AHCYL2: variants seen among roughly 807,000 people sequenced by gnomAD.
The protein encoded by AHCYL2 is S-adenosylhomocysteine hydrolase-like protein 2.
A neutral mutation model predicts 81.4 loss-of-function variants in AHCYL2; 28 were observed. The ratio of observed to expected loss-of-function variants is 0.34; its 90% CI spans 0.25 to 0.47. AHCYL2 has a LOEUF of 0.47. Ranked by LOEUF, AHCYL2 falls within the 20% of genes least tolerant of loss-of-function variation. The pLI, the probability that AHCYL2 is intolerant of heterozygous loss-of-function variation, is 1.00. For synonymous variants in AHCYL2, 272 were observed against 290.2 expected (o/e 0.94, Z 0.64); for missense variants, 551 against 785.1 (o/e 0.70, Z 3.56).
intron 12 of AHCYL2, among the ~76,000 whole-genome samples, chr7:129,418,579 A>G (rs1025341334): frequency 3.9e-5 from 6 of 152,062 alleles, no homozygotes; most frequent in African/African-American, 1.2e-4. Flanking sequence ...GATTACAGGC[A>G]TGAGCCACCG....
Position 129,406,348 on chromosome 7 carries a change from C to A in AHCYL2, c.1207-30C>A. 3 of 1,604,186 alleles carry A rather than the reference C, an allele frequency of 1.9e-6. No individual in the cohort carries two copies. The highest frequency in any genetic ancestry group is 2.6e-6 in the Non-Finnish European group (3 of 1,171,344). On this transcript the variant is annotated intron_variant, in intron 9 of 16. Coordinates refer to ENST00000325006, the MANE Select transcript of AHCYL2 (RefSeq NM_015328.4). The surrounding 1 kb of genome is among the most constrained non-coding windows in gnomAD (Gnocchi z 4.3). ...AGAAATGGTTTTCTCAGTGACTTTC[C>A]TTAATATGTGTGCTCTCTCCCCTCT...
chr7:129,275,690 G>T (rs1229308306), intron 1 of AHCYL2, among the ~76,000 whole-genome samples: 1 of 152,092 alleles, frequency 6.6e-6, no homozygotes, highest in African/African-American at 2.4e-5. Flanking sequence ...GCATCTTATA[G>T]CATGGCCTTA....
At chr7:129,281,489 AT>A (rs34422629) in intron 1 of AHCYL2, among the ~76,000 whole-genome samples, 1,938 of 74,194 alleles carry the variant, frequency 0.026, 10 homozygotes, top group Admixed American at 0.034. Context: ...CTGTTTCTAG[AT>A]TTTTTTTTTT....
chr7:129,242,656 G>A (rs1473374663), intron 1 of AHCYL2, among the ~76,000 whole-genome samples: 4 of 151,772 alleles, frequency 2.6e-5, no homozygotes, highest in Non-Finnish European at 5.9e-5. Context: ...GGCGGAGGTT[G>A]CAGTGAGCTG....
chr7:129,261,236 A>G (rs549729637), intron 1 of AHCYL2, among the ~76,000 whole-genome samples: 2 of 152,298 alleles, frequency 1.3e-5, no homozygotes, highest in East Asian at 1.9e-4. Flanking sequence ...TATCTCTTAT[A>G]TCTTTAATGG....
chr7:129,274,123 G>A (rs1052418833), intron 1 of AHCYL2, among the ~76,000 whole-genome samples: 1 of 152,178 alleles, frequency 6.6e-6, no homozygotes, highest in Non-Finnish European at 1.5e-5. Context: ...TTTCAGAATT[G>A]TTATGGGCCA....
At position 129,225,247 on chromosome 7, in the gene AHCYL2, G is replaced by C. The variant is rs902095410; in HGVS notation, c.171G>C (p.Ala57=). 1.4e-6 allele frequency: 2 copies of C among 1,465,484 alleles called. No homozygotes were observed. The highest frequency in any genetic ancestry group is 1.8e-6 in the Non-Finnish European group (2 of 1,117,882). 90.8% of individuals were successfully genotyped at this position (1,465,484 alleles called of 1,614,324 possible). A position where few individuals can be genotyped will look rare whatever the true frequency, so the allele number is the denominator to read the frequency against. The change falls in exon 1 of 17, where the codon GCG becomes GCC. Residue 57 remains alanine (A), a synonymous_variant. Transcript: ENST00000325006. ...GGDPEAPAPA[A]ERPPVPGPGS... The stretch of plus-strand genomic sequence containing the variant: ...ACCCTGAGGCTCCAGCTCCCGCCGC[G>C]GAGCGGCCCCCGGTCCCCGGCCCGG...
rs1397900998 is a variant in AHCYL2, at chr7:129,225,209, G to A, written c.133G>A (p.Ala45Thr). 6.5e-6 allele frequency: 10 copies of A among 1,541,056 alleles called. No individual in the cohort carries two copies. Among genetic ancestry groups the A allele is most frequent in the Non-Finnish European group, 7.8e-6 (9 of 1,149,956 alleles). ...TAAVGAMAPP[A>T]GGGDPEAPAP... ...CGCCGTGGGCGCCATGGCCCCCCCG[G>A]CGGGCGGTGGAGACCCTGAGGCTCC... is the stretch of plus-strand genomic sequence containing the variant. Residue 45 changes from alanine to threonine, a missense_variant, in exon 1 of 17, where the codon GCG (alanine) becomes ACG (threonine). By Grantham distance (58) the Ala-to-Thr change is moderately conservative (BLOSUM62 0). Coordinates refer to ENST00000325006, the MANE Select transcript of AHCYL2 (RefSeq NM_015328.4).
chr7:129,308,168 A>G (rs888428406), intron 1 of AHCYL2, among the ~76,000 whole-genome samples: 2 of 152,110 alleles, frequency 1.3e-5, no homozygotes, highest in African/African-American at 4.8e-5. Flanking sequence ...GGACTTGCCC[A>G]GGAGTTGTAG....
At chr7:129,403,875 A>T (rs1299927235) in intron 7 of AHCYL2, among the ~76,000 whole-genome samples, 1 of 139,646 alleles carries the variant, frequency 7.2e-6, no homozygotes, top group East Asian at 1.9e-4. Flanking sequence ...AAAAAAAAAA[A>T]AAAAAAAAAA....
intron 1 of AHCYL2, among the ~76,000 whole-genome samples, chr7:129,354,745 T>C (rs1197915586): frequency 1.3e-5 from 2 of 152,224 alleles, no homozygotes; most frequent in Non-Finnish European, 2.9e-5. Context: ...GCAGAAGATT[T>C]TGACTACAGC....
chr7:129,376,028 C>T (rs985955537), intron 1 of AHCYL2: 86 of 1,425,264 alleles, frequency 6.0e-5, no homozygotes, highest in South Asian at 9.0e-5. Context: ...TGCTTTCATC[C>T]CTCCCTCTGG....
intron 1 of AHCYL2, among the ~76,000 whole-genome samples, chr7:129,260,924 G>A (rs1301222216): frequency 6.6e-6 from 1 of 152,142 alleles, no homozygotes; most frequent in African/African-American, 2.4e-5. Flanking sequence ...GAGTAGCTGG[G>A]ATTACAGGCG....
intron 1 of AHCYL2, among the ~76,000 whole-genome samples, chr7:129,357,657 G>A (rs114443388): frequency 0.016 from 2,489 of 152,298 alleles, 70 homozygotes; most frequent in African/African-American, 0.056. Context: ...TTGGTGGGCC[G>A]GGCGCAGTGG....
chr7:129,362,370 T>C (rs68187585), intron 1 of AHCYL2, among the ~76,000 whole-genome samples: 38,095 of 152,016 alleles, frequency 0.25, 4,814 homozygotes, highest in South Asian at 0.37. Context: ...ATAAGTAAGA[T>C]ACCTAACATC....
At chr7:129,251,006 CTTA>C (rs1795228216) in intron 1 of AHCYL2, among the ~76,000 whole-genome samples, 2 of 152,144 alleles carry the variant, frequency 1.3e-5, no homozygotes, top group Non-Finnish European at 2.9e-5. Context: ...TGTTTTAAAG[CTTA>C]TTATAATTTT....
At chr7:129,306,909 C>G (rs1420557457) in intron 1 of AHCYL2, among the ~76,000 whole-genome samples, 1 of 152,164 alleles carries the variant, frequency 6.6e-6, no homozygotes, top group Non-Finnish European at 1.5e-5. Flanking sequence ...TCTGGATTAC[C>G]AGGCAGAGAC....
intron 12 of AHCYL2, among the ~76,000 whole-genome samples, chr7:129,420,638 C>T (rs1212928467): frequency 6.6e-6 from 1 of 151,830 alleles, no homozygotes; most frequent in African/African-American, 2.4e-5. Flanking sequence ...CGCCAACATG[C>T]CCAGCTAATT....
intron 4 of AHCYL2, among the ~76,000 whole-genome samples, chr7:129,395,949 GA>G (rs1795715557): frequency 6.6e-6 from 1 of 152,200 alleles, no homozygotes; most frequent in Non-Finnish European, 1.5e-5. Flanking sequence ...TGCCAAAGGT[GA>G]AACAGTCTTC....
Sources: gnomAD v4.1 joint callset for allele counts (sites outside exome capture counted in the v4.1 genomes callset) on GRCh38, gnomAD v4.1.1 for gene constraint, Gnocchi (gnomAD v3.1) non-coding constraint, MANE v1.5 for transcripts, NCBI Gene and HGNC (gene_info 2026-07-23, HGNC 2026-07-21) for gene names.